The following SND1 variants were observed in gnomAD, a reference collection of about 807,000 sequenced individuals.
SND1 encodes staphylococcal nuclease domain-containing protein 1.
A neutral mutation model predicts 121.7 loss-of-function variants in SND1; 38 were observed. The ratio of observed to expected loss-of-function variants is 0.31; its 90% CI spans 0.24 to 0.41. The LOEUF is 0.41. SND1 is among the 10% of genes least tolerant of loss of function. The pLI, the probability that SND1 is intolerant of heterozygous loss-of-function variation, is 1.00. For missense variants in SND1, 868 were observed against 1,184.6 expected (o/e 0.73, Z 3.92); for synonymous variants, 401 against 447.4 (o/e 0.90, Z 1.31).
intron 10 of SND1, among the ~76,000 whole-genome samples, chr7:127,726,691 A>G (rs2116400805): frequency 6.6e-6 from 1 of 152,276 alleles, no homozygotes; most frequent in Admixed American, 6.5e-5. Context: ...ATGACAAAGG[A>G]AACAGCCCCC....
chr7:127,712,055 C>G (rs1796307763), intron 9 of SND1, among the ~76,000 whole-genome samples: 1 of 151,796 alleles, frequency 6.6e-6, no homozygotes, highest in Non-Finnish European at 1.5e-5. Context: ...AGAGGCTTTC[C>G]TCAGATATTT....
At chr7:127,789,430 A>C (rs1419678335) in intron 10 of SND1, among the ~76,000 whole-genome samples, 1 of 152,234 alleles carries the variant, frequency 6.6e-6, no homozygotes, top group Non-Finnish European at 1.5e-5. Context: ...GTTCATAATT[A>C]ATGTGAGACA....
chr7:127,849,903 C>T (rs1043157030), intron 12 of SND1, among the ~76,000 whole-genome samples: 11 of 152,122 alleles, frequency 7.2e-5, no homozygotes. Context: ...TCTGTGGGGG[C>T]TCGGGACATC....
chr7:128,022,605 T>C lies in SND1; in HGVS notation c.1779+31549T>C, dbSNP rs192387215. Among the ~76,000 whole-genome samples the C allele has an allele frequency of 2.6e-5, 4 of 152,384 alleles. No individual in the cohort carries two copies. In the East Asian group the frequency reaches 5.8e-4, roughly 22 times the overall value. On this transcript the variant is annotated intron_variant, in intron 16 of 23. Coordinates refer to ENST00000354725, the MANE Select transcript of SND1 (RefSeq NM_014390.4). ...CTGAACTGATAGACATCACTATTTT[T>C]ATTGGAAAACACAATTTATATAACA...
intron 14 of SND1, among the ~76,000 whole-genome samples, chr7:127,918,039 C>T (rs371799672): frequency 4.1e-5 from 6 of 147,458 alleles, no homozygotes; most frequent in East Asian, 2.0e-4. Flanking sequence ...AAAGCTTAAT[C>T]GGCCATAGAT....
intron 6 of SND1, 89 bp downstream of exon 6, chr7:127,702,615 G>A (rs1251468751): frequency 5.8e-6 from 6 of 1,039,544 alleles, no homozygotes; most frequent in Non-Finnish European, 9.1e-6. Flanking sequence ...CGGATCTGCT[G>A]TTTCTTCCTA....
At chr7:127,912,457 A>T (rs1800479760) in intron 14 of SND1, among the ~76,000 whole-genome samples, 1 of 152,208 alleles carries the variant, frequency 6.6e-6, no homozygotes, top group Non-Finnish European at 1.5e-5. Flanking sequence ...ATAGAGATGT[A>T]GAAATGTAGT....
intron 12 of SND1, among the ~76,000 whole-genome samples, chr7:127,861,915 G>A (rs1190097316): frequency 6.6e-6 from 1 of 152,222 alleles, no homozygotes; most frequent in Non-Finnish European, 1.5e-5. Flanking sequence ...CCTGTGCCAG[G>A]TTTTTGTTTT....
intron 12 of SND1, among the ~76,000 whole-genome samples, chr7:127,872,378 A>G (rs953884113): frequency 3.2e-4 from 48 of 152,258 alleles, no homozygotes; most frequent in African/African-American, 1.1e-3. Context: ...GAGGAAGTGC[A>G]TAAGATGACT....
intron 7 of SND1, among the ~76,000 whole-genome samples, chr7:127,704,397 G>A (rs1017682707): frequency 2.6e-5 from 4 of 152,176 alleles, no homozygotes; most frequent in African/African-American, 9.7e-5. Context: ...AATTCACTGG[G>A]CAAAATGTAG....
In SND1 at chr7:128,026,577, C is replaced by T. The variant is rs1247714661; in HGVS notation, c.1779+35521C>T. Among the ~76,000 whole-genome samples the T allele has an allele frequency of 2.6e-5, 4 of 152,184 alleles. No homozygotes were observed. In the East Asian group the frequency reaches 5.8e-4, roughly 22 times the overall value. On this transcript the variant is annotated intron_variant, in intron 16 of 23. Coordinates refer to ENST00000354725, the MANE Select transcript of SND1 (RefSeq NM_014390.4). ...TAAGCATCAGGAGACAGACACCTACCACCAAAACATGTTTAGATTATTTAG... is the reference window on the plus strand; with the variant it reads ...TAAGCATCAGGAGACAGACACCTACTACCAAAACATGTTTAGATTATTTAG...
chr7:127,924,722 T>C (rs911308620), intron 14 of SND1, among the ~76,000 whole-genome samples: 1 of 152,058 alleles, frequency 6.6e-6, no homozygotes, highest in Non-Finnish European at 1.5e-5. Flanking sequence ...CCCACCCAAA[T>C]CTCCCATTCT....
chr7:128,055,374 G>A (rs1247129658), intron 16 of SND1, among the ~76,000 whole-genome samples: 1 of 152,132 alleles, frequency 6.6e-6, no homozygotes, highest in African/African-American at 2.4e-5. Flanking sequence ...CCCCTCTCTG[G>A]GTGTCTGCTG....
At chr7:127,750,924 G>C (rs2116456094) in intron 10 of SND1, among the ~76,000 whole-genome samples, 1 of 152,228 alleles carries the variant, frequency 6.6e-6, no homozygotes, top group East Asian at 1.9e-4. Context: ...TAAAATAAAT[G>C]TTTCGCACAT....
chr7:127,821,469 G>T (rs1435112131), intron 11 of SND1, among the ~76,000 whole-genome samples: 1 of 152,086 alleles, frequency 6.6e-6, no homozygotes, highest in South Asian at 2.1e-4. Flanking sequence ...CTCTCCAACT[G>T]TTGTCTCCAG....
chr7:127,743,221 A>G (rs945148264), intron 10 of SND1, among the ~76,000 whole-genome samples: 1 of 152,180 alleles, frequency 6.6e-6, no homozygotes, highest in Non-Finnish European at 1.5e-5. Context: ...TCCAAATCCC[A>G]CAAACCTGCC....
chr7:127,668,332 A>G (rs6943219), intron 1 of SND1, among the ~76,000 whole-genome samples: 34,295 of 152,054 alleles, frequency 0.23, 4,549 homozygotes, highest in African/African-American at 0.37. Flanking sequence ...ACCTTCCTCA[A>G]AGAGGACTCC....
chr7:127,834,606 G>A (rs2116629927), intron 11 of SND1, among the ~76,000 whole-genome samples: 1 of 152,314 alleles, frequency 6.6e-6, no homozygotes, highest in African/African-American at 2.4e-5. Context: ...GTGAAATAGA[G>A]GGATGGTGTG....
chr7:128,081,525 G>C, intron 18 of SND1, 24 bp downstream of exon 18: 1 of 1,612,298 alleles, frequency 6.2e-7, no homozygotes, highest in Non-Finnish European at 8.5e-7. Flanking sequence ...CCGCTGGCTC[G>C]TGGTTCCTGG....
Sources: allele counts gnomAD v4.1 joint callset (sites outside exome capture counted in the v4.1 genomes callset), GRCh38; gene constraint gnomAD v4.1.1; transcripts MANE v1.5; gene names NCBI Gene and HGNC (gene_info 2026-07-23, HGNC 2026-07-21).